The following SGCD variants were observed in gnomAD, a reference collection of about 807,000 sequenced individuals.
SGCD encodes the protein sarcoglycan delta, also known as delta-sarcoglycan.
A neutral mutation model predicts 36.6 loss-of-function variants in SGCD; 18 were observed. The ratio of observed to expected loss-of-function variants is 0.49; its 90% CI spans 0.34 to 0.73. The LOEUF (loss-of-function observed/expected upper bound fraction) is 0.73. SGCD is among the 30% of genes least tolerant of loss of function. The pLI, the probability that SGCD is intolerant of heterozygous loss-of-function variation, is 0.01. For synonymous variants in SGCD, 133 were observed against 130.6 expected, an observed-to-expected ratio of 1.02 and a Z score of -0.12; for missense variants, 387 against 346.7, an observed-to-expected ratio of 1.12 and a Z score of -0.92.
chr5:156,204,558 A>G (rs1413821587), intron 3 of SGCD, among the ~76,000 whole-genome samples: 1 of 151,966 alleles, frequency 6.6e-6, no homozygotes, highest in Non-Finnish European at 1.5e-5. Context: ...TTACATGCCA[A>G]ATGAATGATG....
the SGCD span, among the ~76,000 whole-genome samples, chr5:155,792,621 A>C: frequency 2.0e-5 from 3 of 152,180 alleles, no homozygotes; most frequent in Non-Finnish European, 4.4e-5. Context: ...TCTCAAAAGA[A>C]GACATGCAAG....
chr5:156,487,599 C>G (rs1049814519), intron 3 of SGCD, among the ~76,000 whole-genome samples: 1 of 151,492 alleles, frequency 6.6e-6, no homozygotes. Context: ...ACCAGCCTGA[C>G]CAACGTGGTG....
At chr5:156,194,729 T>A (rs1005171194) in intron 3 of SGCD, among the ~76,000 whole-genome samples, 9 of 152,076 alleles carry the variant, frequency 5.9e-5, no homozygotes, top group Non-Finnish European at 8.8e-5. Context: ...AATATAATAA[T>A]ATAAAACCCT....
At chr5:156,369,862 G>T (rs17636934) in intron 3 of SGCD, among the ~76,000 whole-genome samples, 9,832 of 152,086 alleles carry the variant, frequency 0.065, 429 homozygotes, top group Non-Finnish European at 0.1. Context: ...TTCCAAATGG[G>T]GTTTAAAATG....
chr5:156,270,440 A>G (rs995884150), intron 3 of SGCD, among the ~76,000 whole-genome samples: 42 of 152,332 alleles, frequency 2.8e-4, no homozygotes, highest in African/African-American at 9.4e-4. Flanking sequence ...AAAGCAATCT[A>G]TGTTTAAGCA....
chr5:156,626,703 A>C (rs546237176), intron 6 of SGCD, among the ~76,000 whole-genome samples: 1 of 152,326 alleles, frequency 6.6e-6, no homozygotes, highest in East Asian at 1.9e-4. Flanking sequence ...CAATGCTGAC[A>C]TTTGTTAAGC....
intron 3 of SGCD, among the ~76,000 whole-genome samples, chr5:156,430,065 CT>C (rs1773865221): frequency 6.6e-6 from 1 of 152,094 alleles, no homozygotes; most frequent in Admixed American, 6.6e-5. Context: ...ATTTGGATGT[CT>C]AGATCTCTAG....
chr5:156,334,609 C>CTTTTTTT (rs35767339), intron 2 of SGCD, among the ~76,000 whole-genome samples: 35 of 105,028 alleles, frequency 3.3e-4, no homozygotes, highest in Non-Finnish European at 4.7e-4. Flanking sequence ...GGTCTATTTT[C>CTTTTTTT]TTTTTTTTTT....
intron 3 of SGCD, among the ~76,000 whole-genome samples, chr5:156,386,773 TTTTG>T (rs1472163587): frequency 1.3e-5 from 2 of 152,220 alleles, no homozygotes; most frequent in African/African-American, 2.4e-5. Context: ...GTGTTGGCTT[TTTTG>T]TTTGTTTGTT....
chr5:155,773,099 T>C, the SGCD span, among the ~76,000 whole-genome samples: 1 of 152,104 alleles, frequency 6.6e-6, no homozygotes, highest in Non-Finnish European at 1.5e-5. Context: ...AGTCATCCAC[T>C]TGACCACCCA....
chr5:155,936,444 C>T (rs1757203940), intron 1 of SGCD, among the ~76,000 whole-genome samples: 1 of 152,176 alleles, frequency 6.6e-6, no homozygotes, highest in Admixed American at 6.5e-5. Context: ...TGGGTAGCTC[C>T]TCTCCATAGC....
At chr5:156,686,645 A>C (rs1753915874) in intron 7 of SGCD, among the ~76,000 whole-genome samples, 1 of 152,234 alleles carries the variant, frequency 6.6e-6, no homozygotes, top group Non-Finnish European at 1.5e-5. Flanking sequence ...GTAAGTGTCT[A>C]GGGGACAAAG....
At chr5:156,077,940 C>T (rs1285960064) in intron 1 of SGCD, among the ~76,000 whole-genome samples, 1 of 152,164 alleles carries the variant, frequency 6.6e-6, no homozygotes, top group African/African-American at 2.4e-5. Context: ...GGCAATTAAT[C>T]TTTCAATCTT....
At chr5:156,085,463 C>T (rs530718854) in intron 1 of SGCD, among the ~76,000 whole-genome samples, 1 of 152,286 alleles carries the variant, frequency 6.6e-6, no homozygotes, top group South Asian at 2.1e-4. Context: ...TGCTCCCACT[C>T]TGCTTTCTGC....
the SGCD span, among the ~76,000 whole-genome samples, chr5:155,861,718 A>C: frequency 6.6e-6 from 1 of 152,118 alleles, no homozygotes; most frequent in East Asian, 1.9e-4. Flanking sequence ...ACTCTGTTAA[A>C]AAAATAAATA....
At chr5:156,007,299 A>G (rs978599255) in intron 1 of SGCD, among the ~76,000 whole-genome samples, 1 of 152,184 alleles carries the variant, frequency 6.6e-6, no homozygotes, top group East Asian at 1.9e-4. Flanking sequence ...CTGATGGCCC[A>G]GTAAACCCTG....
intron 4 of SGCD, among the ~76,000 whole-genome samples, chr5:156,571,189 G>A (rs564854808): frequency 9.9e-5 from 15 of 152,224 alleles, no homozygotes; most frequent in African/African-American, 3.6e-4. Flanking sequence ...GGGATTACAG[G>A]TGTGTGCTAT....
At chr5:156,606,460 A>T (rs1171777634) in intron 6 of SGCD, among the ~76,000 whole-genome samples, 1 of 152,146 alleles carries the variant, frequency 6.6e-6, no homozygotes. Context: ...CTTGTAGTAT[A>T]GTTTGATGTC....
intron 3 of SGCD, among the ~76,000 whole-genome samples, chr5:156,399,729 C>G (rs1772043161): frequency 6.6e-6 from 1 of 152,204 alleles, no homozygotes; most frequent in African/African-American, 2.4e-5. Flanking sequence ...TCTCCCTACA[C>G]TGTGTGGACT....
Sources: gnomAD v4.1 joint callset for allele counts (sites outside exome capture counted in the v4.1 genomes callset) on GRCh38, gnomAD v4.1.1 for gene constraint, MANE v1.5 for transcripts, NCBI Gene and HGNC (gene_info 2026-07-23, HGNC 2026-07-21) for gene names.